ROBO2: variants seen among roughly 807,000 people sequenced by gnomAD.
ROBO2 encodes roundabout homolog 2.
ROBO2 carries 53 observed loss-of-function variants against 160.8 expected under a neutral mutation model. That is an observed-to-expected ratio of 0.33 (90% confidence interval 0.26 to 0.41). The LOEUF is 0.41. ROBO2 is among the 10% of genes least tolerant of loss of function. The pLI is 1.00. For synonymous variants in ROBO2, 664 were observed against 611.7 expected, an observed-to-expected ratio of 1.09 and a Z score of -1.26; for missense variants, 1,577 against 1,722.4, an observed-to-expected ratio of 0.92 and a Z score of 1.49.
intron 2 of ROBO2, among the ~76,000 whole-genome samples, chr3:77,382,311 A>G (rs962573454): frequency 2.0e-5 from 3 of 151,934 alleles, no homozygotes; most frequent in Non-Finnish European, 1.5e-5. Flanking sequence ...AGAACATTCT[A>G]AATTACATCG....
intron 6 of ROBO2, among the ~76,000 whole-genome samples, chr3:77,542,302 G>A (rs2092501113): frequency 1.3e-5 from 2 of 152,226 alleles, no homozygotes; most frequent in African/African-American, 2.4e-5. Context: ...ACCTTCAGGT[G>A]ATAATAGGAA....
At chr3:76,755,206 C>A (rs1424891266) in intron 2 of ROBO2, among the ~76,000 whole-genome samples, 1 of 151,706 alleles carries the variant, frequency 6.6e-6, no homozygotes, top group Non-Finnish European at 1.5e-5. Context: ...ATTTTGGTGT[C>A]CAGTGTATAT....
At chr3:77,225,223 G>T (rs1378371719) in intron 2 of ROBO2, among the ~76,000 whole-genome samples, 1 of 151,706 alleles carries the variant, frequency 6.6e-6, no homozygotes, top group East Asian at 1.9e-4. Flanking sequence ...AAAATTTATT[G>T]TAGGCACTTT....
chr3:76,039,761 T>A (rs2107757681), intron 2 of ROBO2, among the ~76,000 whole-genome samples: 1 of 152,144 alleles, frequency 6.6e-6, no homozygotes, highest in Middle Eastern at 3.4e-3. Context: ...AATTAGTATA[T>A]GACTGATGAA....
At chr3:75,986,327 A>G (rs80254869) in intron 2 of ROBO2, among the ~76,000 whole-genome samples, 1,663 of 151,702 alleles carry the variant, frequency 0.011, 16 homozygotes, top group Non-Finnish European at 0.016. Flanking sequence ...CTTATTGACC[A>G]TTTCTATTAA....
chr3:76,652,319 C>T (rs776488492), intron 2 of ROBO2, among the ~76,000 whole-genome samples: 2 of 152,138 alleles, frequency 1.3e-5, no homozygotes, highest in Non-Finnish European at 2.9e-5. Context: ...ACTTTATGTG[C>T]ATTGTTAAAT....
intron 2 of ROBO2, among the ~76,000 whole-genome samples, chr3:76,427,396 A>G (rs1200150673): frequency 6.6e-6 from 1 of 152,118 alleles, no homozygotes; most frequent in Non-Finnish European, 1.5e-5. Context: ...TGAAAATATG[A>G]TAATGTTGAG....
At chr3:76,578,499 G>T (rs772644821) in intron 2 of ROBO2, among the ~76,000 whole-genome samples, 2 of 152,002 alleles carry the variant, frequency 1.3e-5, no homozygotes, top group Non-Finnish European at 2.9e-5. Context: ...TAGTTCATTT[G>T]TAACATTTTG....
In ROBO2 at chr3:75,998,393, G is replaced by A. The variant is rs544094075; in HGVS notation, c.109+60791G>A. 3.2e-4 allele frequency among the ~76,000 whole-genome samples: 48 copies of A among 152,232 alleles called. No homozygotes were observed. The South Asian group carries it at 9.7e-3, about 31-fold the overall frequency. On this transcript the variant is annotated intron_variant, in intron 2 of 26. Coordinates refer to the ROBO2 transcript ENST00000487694. Reference sequence around the variant, plus strand: ...TGACCAATCAGGGTTTTAATAGACTGCAGTTTTTGTAGAACTCCTCTACCA... The same window carrying A: ...TGACCAATCAGGGTTTTAATAGACTACAGTTTTTGTAGAACTCCTCTACCA...
At chr3:76,994,952 T>C (rs2060902735) in intron 2 of ROBO2, among the ~76,000 whole-genome samples, 1 of 152,166 alleles carries the variant, frequency 6.6e-6, no homozygotes. Context: ...TTACTTTTTT[T>C]TTTCTTTTTT....
intron 2 of ROBO2, among the ~76,000 whole-genome samples, chr3:76,679,572 T>A (rs748682945): frequency 2.6e-5 from 4 of 152,132 alleles, no homozygotes; most frequent in Non-Finnish European, 4.4e-5. Flanking sequence ...GGAACCTAAA[T>A]TTGGAAGAAA....
intron 21 of ROBO2, among the ~76,000 whole-genome samples, chr3:77,609,376 A>C (rs550426369): frequency 6.6e-6 from 1 of 152,146 alleles, no homozygotes; most frequent in Non-Finnish European, 1.5e-5. Context: ...TGTGTATTCC[A>C]CAAGAGATTA....
chr3:76,302,954 T>C (rs1183281310), intron 2 of ROBO2, among the ~76,000 whole-genome samples: 1 of 152,170 alleles, frequency 6.6e-6, no homozygotes, highest in East Asian at 1.9e-4. Flanking sequence ...CATGTTTGGA[T>C]AAATTTATTA....
intron 2 of ROBO2, among the ~76,000 whole-genome samples, chr3:76,465,694 T>A (rs757732270): frequency 6.6e-6 from 1 of 152,026 alleles, no homozygotes; most frequent in Non-Finnish European, 1.5e-5. Context: ...AACCACCATT[T>A]TAATATAATT....
At chr3:76,274,481 T>C (rs893442780) in intron 2 of ROBO2, among the ~76,000 whole-genome samples, 2 of 152,170 alleles carry the variant, frequency 1.3e-5, no homozygotes, top group Admixed American at 6.5e-5. Context: ...GAATCTGATA[T>C]ATGATTTGCT....
chr3:76,804,430 G>A, intron 2 of ROBO2, among the ~76,000 whole-genome samples: 1 of 152,144 alleles, frequency 6.6e-6, no homozygotes, highest in East Asian at 1.9e-4. Context: ...AAGGATAGGT[G>A]CACAAACTGA....
intron 2 of ROBO2, among the ~76,000 whole-genome samples, chr3:76,786,851 C>T (rs530310966): frequency 1.3e-5 from 2 of 151,344 alleles, no homozygotes; most frequent in East Asian, 3.9e-4. Context: ...TGCATTAGTC[C>T]ATTCTCACAC....
intron 2 of ROBO2, among the ~76,000 whole-genome samples, chr3:77,021,644 G>A (rs2062645271): frequency 2.0e-5 from 3 of 152,142 alleles, no homozygotes; most frequent in Admixed American, 2.0e-4. Flanking sequence ...CAAAATTAAT[G>A]TTCAAATTTA....
intron 2 of ROBO2, among the ~76,000 whole-genome samples, chr3:76,540,293 G>A (rs1443006855): frequency 6.6e-6 from 1 of 152,178 alleles, no homozygotes; most frequent in Non-Finnish European, 1.5e-5. Context: ...CTTCTTAAAT[G>A]TGTGGGAAAT....
Sources: allele counts gnomAD v4.1 joint callset (sites outside exome capture counted in the v4.1 genomes callset), GRCh38; gene constraint gnomAD v4.1.1; transcripts MANE v1.5; gene names NCBI Gene and HGNC (gene_info 2026-07-23, HGNC 2026-07-21).